C19orf12: variants seen among roughly 807,000 people sequenced by gnomAD.
C19orf12 encodes chromosome 19 open reading frame 12.
Under a neutral mutation model 3.8 loss-of-function variants are expected in C19orf12, and 2 were observed. The ratio of observed to expected loss-of-function variants is 0.53; its 90% CI spans 0.22 to 1.66. C19orf12 has a LOEUF of 1.66. Ranked by LOEUF, C19orf12 falls within the 40% of genes most tolerant of loss-of-function variation. The probability of loss-of-function intolerance (pLI) is 0.20; values close to 1 mark genes in which losing one functional copy is unlikely to be tolerated. For missense variants in C19orf12, 156 were observed against 188.8 expected, an observed-to-expected ratio of 0.83 and a Z score of 1.02; for synonymous variants, 89 against 84.6, an observed-to-expected ratio of 1.05 and a Z score of -0.28.
At chr19:29,711,146 T>C (rs1972655183) in intron 1 of C19orf12, among the ~76,000 whole-genome samples, 1 of 148,506 alleles carries the variant, frequency 6.7e-6, no homozygotes, top group South Asian at 2.2e-4. Context: ...TTCAAGCGAT[T>C]CTCCTGCCTC....
In C19orf12 at chr19:29,701,040, A is replaced by G. The variant is rs1009727014; in HGVS notation, c.*1672T>C. 2.2e-6 allele frequency: 1 copy of G among 454,160 alleles called. No individual in the cohort carries two copies. Among genetic ancestry groups the G allele is most frequent in the Non-Finnish European group, 4.4e-6 (1 of 226,802 alleles). The allele number at this position is 454,160 out of a possible 1,614,324, so 28.1% of individuals were successfully genotyped here. On this transcript the variant is annotated 3_prime_UTR_variant, in exon 3 of 3. Transcript: ENST00000323670. ...CAAAAGTGCCGACATTACAAGCATG[A>G]GCCACCTCACCTGACCTACTCTTGC...
At chr19:29,714,906 C>T (rs1782966445) in intron 1 of C19orf12, 1 of 642,236 alleles carries the variant, frequency 1.6e-6, no homozygotes, top group African/African-American at 1.9e-5. Context: ...CTGCTGCTTA[C>T]TTGTGTGACT....
Position 29,700,224 on chromosome 19 carries a change from G to A in C19orf12, c.*2488C>T, listed in dbSNP as rs1192377553. On this transcript the variant is annotated 3_prime_UTR_variant, in exon 3 of 3. Transcript: ENST00000323670. ...CCTGATGCACGAGTAAGAATGAATG[G>A]GGCCCAATCGCCTAACAAAGGCAAC... is the stretch of plus-strand genomic sequence containing the variant. 2 of 454,086 alleles carry A rather than the reference G, an allele frequency of 4.4e-6. No homozygotes were observed. The highest frequency in any genetic ancestry group is 1.6e-5 in the South Asian group (1 of 64,470). The allele number at this position is 454,086 out of a possible 1,614,324, so 28.1% of individuals were successfully genotyped here. A position where few individuals can be genotyped will look rare whatever the true frequency, so the allele number is the denominator to read the frequency against.
Position 29,702,519 on chromosome 19 carries a change from T to C in C19orf12, c.*193A>G. ...GGCCAGTGCACATGCCACCAACACA[T>C]GCTGCTTCATCAGTAATTTCTGGAA... is the stretch of plus-strand genomic sequence containing the variant. On this transcript the variant is annotated 3_prime_UTR_variant, in exon 3 of 3. Transcript: ENST00000323670. The C allele has an allele frequency of 1.2e-6, 1 of 801,070 alleles. No individual in the cohort carries two copies. Among genetic ancestry groups the C allele is most frequent in the Admixed American group, 2.0e-5 (1 of 50,364 alleles). 49.6% of individuals were successfully genotyped at this position (801,070 alleles called of 1,614,324 possible). A position where few individuals can be genotyped will look rare whatever the true frequency, so the allele number is the denominator to read the frequency against.
chr19:29,714,835 A>ACCCCCC, intron 1 of C19orf12: 1 of 268,456 alleles, frequency 3.7e-6, no homozygotes, highest in Non-Finnish European at 7.7e-6. Context: ...CACCCACCAC[A>ACCCCCC]CCCATGCCTA....
rs902695020 is a variant in C19orf12 at position 29,701,165 on chromosome 19, T to C, written c.*1547A>G. 1 of 454,156 alleles carries C rather than the reference T, an allele frequency of 2.2e-6. No homozygotes were observed. The highest frequency in any genetic ancestry group is 4.4e-6 in the Non-Finnish European group (1 of 226,798). The allele number at this position is 454,156 out of a possible 1,614,324, so 28.1% of individuals were successfully genotyped here. On this transcript the variant is annotated 3_prime_UTR_variant, in exon 3 of 3. Coordinates refer to ENST00000323670, the MANE Select transcript of C19orf12 (RefSeq NM_031448.6). ...CACATAATATGTGGGAAAATGGCTT[T>C]TTAGAAAAACATTTATTGTAATCGA...
chr19:29,706,150 T>G (rs1486965762), intron 2 of C19orf12, among the ~76,000 whole-genome samples: 2 of 152,098 alleles, frequency 1.3e-5, no homozygotes, highest in East Asian at 3.9e-4. Context: ...AGGGTTCACC[T>G]CCTCTGCAAA....
intron 1 of C19orf12, among the ~76,000 whole-genome samples, chr19:29,711,238 C>T (rs1002193660): frequency 4.6e-5 from 7 of 152,020 alleles, no homozygotes; most frequent in African/African-American, 1.4e-4. Context: ...TGGGGTTTCA[C>T]CATGTTGGCC....
Position 29,708,237 on chromosome 19 carries a change from G to GA in C19orf12, c.160+16dup, listed in dbSNP as rs1350179339. 4 of 1,609,142 alleles carry GA rather than the reference G, an allele frequency of 2.5e-6. No individual in the cohort carries two copies. The African/African-American group carries it at 5.3e-5, about 21-fold the overall frequency. The stretch of plus-strand genomic sequence containing the variant: ...CATCCCCGAGGCTGGCTATCTCTGT[G>GA]AGACACCTGCACTTACCAACGGCGA... On this transcript the variant is annotated intron_variant, in intron 2 of 2. Coordinates refer to ENST00000323670, the MANE Select transcript of C19orf12 (RefSeq NM_031448.6).
chr19:29,700,209 G>A lies in C19orf12; in HGVS notation c.*2503C>T, dbSNP rs781729021. On this transcript the variant is annotated 3_prime_UTR_variant, in exon 3 of 3. Transcript: ENST00000323670. ...TGACACAGACCAGGACCTGATGCAC[G>A]AGTAAGAATGAATGGGGCCCAATCG... 3.7e-5 allele frequency: 17 copies of A among 454,012 alleles called. No homozygotes were observed. Among genetic ancestry groups the A allele is most frequent in the South Asian group, 2.0e-4 (13 of 64,474 alleles). The allele number at this position is 454,012 out of a possible 1,614,324, so 28.1% of individuals were successfully genotyped here. A position where few individuals can be genotyped will look rare whatever the true frequency, so the allele number is the denominator to read the frequency against.
chr19:29,715,488 C>T (rs768593539), upstream of C19orf12: 4 of 357,552 alleles, frequency 1.1e-5, no homozygotes, highest in African/African-American at 4.4e-5. Context: ...CTGGGAACCG[C>T]AAGGCCGCGC....
intron 1 of C19orf12, 131 bp from the exon 2 acceptor site, chr19:29,708,554 G>T: frequency 8.6e-7 from 1 of 1,164,398 alleles, no homozygotes; most frequent in Non-Finnish European, 1.3e-6. Flanking sequence ...CCAAGCGCCT[G>T]TATGACAGAC....
intron 2 of C19orf12, among the ~76,000 whole-genome samples, chr19:29,703,915 G>A (rs1312135268): frequency 3.3e-5 from 5 of 151,998 alleles, no homozygotes; most frequent in Non-Finnish European, 7.4e-5. Context: ...ACTTGAACCC[G>A]GGAAGTAGAG....
At chr19:29,706,785 G>A (rs371173575) in intron 2 of C19orf12, among the ~76,000 whole-genome samples, 220 of 152,322 alleles carry the variant, frequency 1.4e-3, no homozygotes, top group African/African-American at 5.0e-3. Context: ...TTAACGAAAT[G>A]TCCTTGAATG....
chr19:29,708,310 G>A lies in C19orf12; in HGVS notation c.104C>T (p.Thr35Ile), dbSNP rs1242193075. The change falls in exon 2 of 3, where the codon ACA becomes ATA. Residue 35 changes from threonine (T) to isoleucine (I), a missense_variant. Physicochemically the swap from Thr to Ile is moderately conservative, Grantham distance 89 (BLOSUM62 -1). Coordinates refer to ENST00000323670, the MANE Select transcript of C19orf12 (RefSeq NM_031448.6). ...VKHSGKGALV[T>I]GAMAFVGGLV... ...ACCCCCGACGAAGGCCATGGCCCCT[G>A]TGACCAGGGCACCCTTCCCAGAGTG... 3 of 1,613,940 alleles carry A rather than the reference G, an allele frequency of 1.9e-6. No individual in the cohort carries two copies. The highest frequency in any genetic ancestry group is 2.2e-5 in the East Asian group (1 of 44,878).
At position 29,702,423 on chromosome 19, in the gene C19orf12, A is replaced by C; in HGVS notation, c.*289T>G. ...CCATGCGGGTGAGAGGACTCAGCAG[A>C]CGCCTCCGAAGCCTGCGGCAGGCAG... On this transcript the variant is annotated 3_prime_UTR_variant, in exon 3 of 3. Transcript: ENST00000323670. 1 of 614,526 alleles carries C rather than the reference A, an allele frequency of 1.6e-6. No homozygotes were observed. 38.1% of individuals were successfully genotyped at this position (614,526 alleles called of 1,614,324 possible). A position where few individuals can be genotyped will look rare whatever the true frequency, so the allele number is the denominator to read the frequency against.
chr19:29,702,959 A>G lies in C19orf12; in HGVS notation c.179T>C (p.Leu60Pro). 1 of 1,613,784 alleles carries G rather than the reference A, an allele frequency of 6.2e-7. No homozygotes were observed. Among genetic ancestry groups the G allele is most frequent in the Non-Finnish European group, 8.5e-7 (1 of 1,179,724 alleles). The change falls in exon 3 of 3, where the codon CTG becomes CCG. Residue 60 changes from leucine (L) to proline (P), a missense_variant. Physicochemically the swap from Leu to Pro is moderately conservative, Grantham distance 98. Transcript: ENST00000323670. ...GLAVGGAVGGLLGAWMTSGQF... is the reference protein window; with the variant it reads ...GLAVGGAVGGPLGAWMTSGQF... Reference sequence around the variant, plus strand: ...TCCACTTGTCATCCAGGCACCTAACAGCCCCCCGACAGCCCCCCCTAGAAA... The same window carrying G: ...TCCACTTGTCATCCAGGCACCTAACGGCCCCCCGACAGCCCCCCCTAGAAA...
chr19:29,709,571 C>A (rs1972563069), intron 1 of C19orf12, among the ~76,000 whole-genome samples: 1 of 150,466 alleles, frequency 6.6e-6, no homozygotes, highest in Admixed American at 6.6e-5. Flanking sequence ...GCTTTGTTGC[C>A]CAGGCTGGAG....
In C19orf12 at chr19:29,701,385, C is replaced by T. The variant is rs1016587035; in HGVS notation, c.*1327G>A. The T allele has an allele frequency of 8.8e-6, 4 of 453,998 alleles. No homozygotes were observed. Among genetic ancestry groups the T allele is most frequent in the African/African-American group, 6.0e-5 (3 of 49,988 alleles). The allele number at this position is 453,998 out of a possible 1,614,324, so 28.1% of individuals were successfully genotyped here. A position where few individuals can be genotyped will look rare whatever the true frequency, so the allele number is the denominator to read the frequency against. On this transcript the variant is annotated 3_prime_UTR_variant, in exon 3 of 3. Coordinates refer to ENST00000323670, the MANE Select transcript of C19orf12 (RefSeq NM_031448.6). The stretch of plus-strand genomic sequence containing the variant: ...GCACACCTTCCTGTATAATTTAAAT[C>T]ATCTCTAGATTTCTTATAATACCAA...
Sources: allele counts gnomAD v4.1 joint callset (sites outside exome capture counted in the v4.1 genomes callset), GRCh38; gene constraint gnomAD v4.1.1; transcripts MANE v1.5; gene names NCBI Gene and HGNC (gene_info 2026-07-23, HGNC 2026-07-21).